Variants in UCKL1 observed in about 807,000 individuals in gnomAD.
UCKL1 encodes the protein uridine-cytidine kinase-like 1.
In UCKL1, 65 loss-of-function variants were observed where a neutral mutation model predicts 59.2. That is an observed-to-expected ratio of 1.10 (90% CI 0.90 to 1.35). UCKL1 has a LOEUF of 1.35. Ranked by LOEUF, UCKL1 falls within the 40% of genes most tolerant of loss-of-function variation. UCKL1 has a pLI of 0.00. For synonymous variants in UCKL1, 410 were observed against 323.1 expected, an observed-to-expected ratio of 1.27 and a Z score of -2.88; for missense variants, 703 against 784.3, an observed-to-expected ratio of 0.90 and a Z score of 1.24.
At position 63,946,158 on chromosome 20, in the gene UCKL1, C is replaced by G. The variant is rs751236743; in HGVS notation, c.411+3G>C. ...TCCTCGGGGGAGCTGGGCGGGGGCC[C>G]ACCTTGTAGAAGGAGTCCATGGACA... On this transcript the variant is annotated splice_donor_region_variant and intron_variant, in intron 3 of 14. Transcript: ENST00000354216. 6.8e-6 allele frequency: 11 copies of G among 1,611,980 alleles called. No individual in the cohort carries two copies. Among genetic ancestry groups the G allele is most frequent in the Non-Finnish European group, 7.6e-6 (9 of 1,179,546 alleles).
intron 3 of UCKL1, 48 bp from the exon 4 acceptor site, chr20:63,946,023 C>T: frequency 6.2e-7 from 1 of 1,611,844 alleles, no homozygotes; most frequent in Non-Finnish European, 8.5e-7. Context: ...AGGGCCCTCA[C>T]CCAATGCCAG....
chr20:63,941,713 C>T (rs771504303), intron 8 of UCKL1: 5 of 209,006 alleles, frequency 2.4e-5, no homozygotes, highest in Non-Finnish European at 5.3e-5. Context: ...CTTGGCTGTC[C>T]CGTCCCGCCC....
At chr20:63,950,746 A>G (rs763106536) in intron 1 of UCKL1, 11 of 1,524,118 alleles carry the variant, frequency 7.2e-6, no homozygotes, top group South Asian at 2.5e-5. Flanking sequence ...AGAGACCTCC[A>G]GTCGAGACTC....
Position 63,946,299 on chromosome 20 carries a change from A to G in UCKL1, c.305-32T>C, listed in dbSNP as rs749832412. On this transcript the variant is annotated intron_variant, in intron 2 of 14. Transcript: ENST00000354216. Reference sequence around the variant, plus strand: ...GCGGGAGTGGAGACCCTCTGTGAGGAACAGGCAGGCTGCCGGCACAGATAG... The same window carrying G: ...GCGGGAGTGGAGACCCTCTGTGAGGGACAGGCAGGCTGCCGGCACAGATAG... The G allele has an allele frequency of 4.2e-5, 66 of 1,561,600 alleles. No homozygotes were observed. In the Admixed American group the frequency reaches 4.6e-4, roughly 11 times the overall value.
chr20:63,941,797 AAGAAAG>A (rs1378889708), intron 8 of UCKL1, among the ~76,000 whole-genome samples: 5 of 151,968 alleles, frequency 3.3e-5, no homozygotes, highest in Non-Finnish European at 7.4e-5. Flanking sequence ...GGGTGGAGGC[AAGAAAG>A]AGGTGGGACA....
intron 5 of UCKL1, 77 bp from the exon 6 acceptor site, chr20:63,944,811 G>A (rs1336995667): frequency 1.0e-5 from 16 of 1,545,882 alleles, no homozygotes; most frequent in Non-Finnish European, 1.4e-5. Context: ...CCCCTGCACT[G>A]AGGCCGCCTG....
chr20:63,956,083 C>T lies in UCKL1; in HGVS notation c.113+177G>A, dbSNP rs1374011042. On this transcript the variant is annotated intron_variant, in intron 1 of 14. Transcript: ENST00000354216. ...GCCGGCTTGGGCCAGGTCCGTCCTC[C>T]CGGCCGCTTCAAGCCCGCGGGGTTC... The T allele has an allele frequency of 1.3e-5, 7 of 552,910 alleles. No individual in the cohort carries two copies. In the East Asian group the frequency reaches 1.8e-4, roughly 14 times the overall value. The allele number at this position is 552,910 out of a possible 1,614,324, so 34.3% of individuals were successfully genotyped here.
chr20:63,943,801 C>T lies in UCKL1; in HGVS notation c.907-132G>A, dbSNP rs1380621377. 7 of 1,338,400 alleles carry T rather than the reference C, an allele frequency of 5.2e-6. No homozygotes were observed. The Admixed American group carries it at 1.3e-4, about 25-fold the overall frequency. The allele number at this position is 1,338,400 out of a possible 1,614,324, so 82.9% of individuals were successfully genotyped here. A position where few individuals can be genotyped will look rare whatever the true frequency, so the allele number is the denominator to read the frequency against. On this transcript the variant is annotated intron_variant, in intron 7 of 14. Transcript: ENST00000354216. ...GGACACAGCCAGCCATGGGGGGTGG[C>T]AAGCTTCTAATGCCTGTAACCTGGG...
At position 63,946,611 on chromosome 20, in the gene UCKL1, G is replaced by A. The variant is rs2056296751; in HGVS notation, c.146C>T (p.Pro49Leu). Residue 49 changes from proline to leucine, a missense_variant, in exon 2 of 15, where the codon CCA becomes CTA. Physicochemically the swap from Pro to Leu is moderately conservative, Grantham distance 98 (BLOSUM62 -3). This residue lies in a region of UCKL1 where 398 missense variants were observed against 373.0 expected (regional missense o/e 1.07). Coordinates refer to ENST00000354216, the MANE Select transcript of UCKL1 (RefSeq NM_017859.4). The part of the protein sequence containing the change: ...SNAESLDRLL[P>L]PVGTGRSPRK... ...GGGAGAGCGCCCAGTGCCCACAGGTGGCAGGAGCCTGTCCAGGGACTCTGC... is the reference window on the plus strand; with the variant it reads ...GGGAGAGCGCCCAGTGCCCACAGGTAGCAGGAGCCTGTCCAGGGACTCTGC... 1 of 1,610,292 alleles carries A rather than the reference G, an allele frequency of 6.2e-7. No individual in the cohort carries two copies. Among genetic ancestry groups the A allele is most frequent in the Admixed American group, 1.7e-5 (1 of 59,968 alleles).
chr20:63,946,528 G>A lies in UCKL1; in HGVS notation c.229C>T (p.Arg77Cys), dbSNP rs1273191927. 15 of 1,606,384 alleles carry A rather than the reference G, an allele frequency of 9.3e-6. No individual in the cohort carries two copies. Among genetic ancestry groups the A allele is most frequent in the Non-Finnish European group, 1.2e-5 (14 of 1,177,006 alleles). ...SEPPLLRTSK[R>C]TIYTAGRPPW... ...GGCCGCCCGGCGGTGTAGATGGTAC[G>A]CTTGCTTGTACGCAGCAGGGGAGGC... Residue 77 changes from arginine to cysteine, a missense_variant, in exon 2 of 15, where the codon CGT becomes TGT. Coordinates refer to ENST00000354216, the MANE Select transcript of UCKL1 (RefSeq NM_017859.4).
intron 1 of UCKL1, chr20:63,950,617 G>A: frequency 1.0e-6 from 1 of 1,001,946 alleles, no homozygotes; most frequent in African/African-American, 1.7e-5. Context: ...TTCGACCCTG[G>A]GCTCTGCCCG....
intron 1 of UCKL1, chr20:63,948,459 CA>C (rs752201703): frequency 2.0e-5 from 3 of 150,820 alleles, no homozygotes; most frequent in Non-Finnish European, 3.0e-5. Context: ...AGAGCATGGT[CA>C]GGGGAGAAAA....
In UCKL1 at chr20:63,939,896, A is replaced by AAATT; in HGVS notation, c.*76_*79dup. On this transcript the variant is annotated 3_prime_UTR_variant, in exon 15 of 15. Coordinates refer to ENST00000354216, the MANE Select transcript of UCKL1 (RefSeq NM_017859.4). ...ATAAATTATACTAGTAACATTTTAA[A>AAATT]AATTAACATCTTTGTATTCAGCAGT... 1 of 1,211,082 alleles carries AAATT rather than the reference A, an allele frequency of 8.3e-7. No individual in the cohort carries two copies. Among genetic ancestry groups the AAATT allele is most frequent in the East Asian group, 2.4e-5 (1 of 42,152 alleles). The allele number at this position is 1,211,082 out of a possible 1,614,324, so 75.0% of individuals were successfully genotyped here.
At position 63,946,215 on chromosome 20, in the gene UCKL1, G is replaced by C; in HGVS notation, c.357C>G (p.Ile119Met). 6.2e-7 allele frequency: 1 copy of C among 1,610,646 alleles called. No individual in the cohort carries two copies. Residue 119 changes from isoleucine to methionine, a missense_variant, in exon 3 of 15, where the codon ATC (isoleucine) becomes ATG (methionine). Physicochemically the swap from Ile to Met is conservative, Grantham distance 10 (BLOSUM62 1). Around this residue, in one of 4 missense-constraint regions of UCKL1, gnomAD observed 398 missense variants for 373.0 expected, o/e 1.07. Coordinates refer to ENST00000354216, the MANE Select transcript of UCKL1 (RefSeq NM_017859.4). ...SGKTTVARMI[I>M]EALDVPWVVL... ...CCACCCAGGGCACATCCAGGGCCTC[G>C]ATGATCATTCTGGCCACAGTGGTCT...
chr20:63,956,260 C>A lies in UCKL1; in HGVS notation c.113G>T (p.Arg38Leu). 1 of 1,537,082 alleles carries A rather than the reference C, an allele frequency of 6.5e-7. No homozygotes were observed. The highest frequency in any genetic ancestry group is 2.7e-5 in the East Asian group (1 of 37,184). Residue 38 changes from arginine to leucine, a missense_variant and splice_region_variant, in exon 1 of 15, where the codon CGC becomes CTC. Coordinates refer to ENST00000354216, the MANE Select transcript of UCKL1 (RefSeq NM_017859.4). ...GAGTGGAGGCGAGGCCCACGCCTAC[C>A]GGTCCTCGCACGCGGTCTCGCTTTT... ...AEKSETACED[R>L]SNAESLDRLL...
At chr20:63,941,294 G>A in intron 8 of UCKL1, 86 bp from the exon 9 acceptor site, 3 of 1,456,412 alleles carry the variant, frequency 2.1e-6, no homozygotes, top group Non-Finnish European at 1.8e-6. Context: ...GCGTCACTGT[G>A]AGGGGAACAC....
At chr20:63,948,493 T>G (rs2056844990) in intron 1 of UCKL1, 2 of 144,592 alleles carry the variant, frequency 1.4e-5, no homozygotes, top group African/African-American at 5.2e-5. Flanking sequence ...GAGAGATGAT[T>G]CCATCTGTAT....
chr20:63,946,442 G>T lies in UCKL1; in HGVS notation c.304+11C>A. The T allele has an allele frequency of 6.5e-7, 1 of 1,542,828 alleles. No individual in the cohort carries two copies. The highest frequency in any genetic ancestry group is 8.7e-7 in the Non-Finnish European group (1 of 1,142,980). ...GTCCGGCAGCAGGTCCCACCCCCCC[G>T]CTGCTCTCACCGATGGCGAAGGCCT... On this transcript the variant is annotated intron_variant, in intron 2 of 14. Transcript: ENST00000354216.
chr20:63,951,369 T>C (rs1203083086), intron 1 of UCKL1, among the ~76,000 whole-genome samples: 1 of 152,110 alleles, frequency 6.6e-6, no homozygotes, highest in African/African-American at 2.4e-5. Flanking sequence ...GCACCCCTCC[T>C]GGATCCCCTG....
Sources: allele counts gnomAD v4.1 joint callset (sites outside exome capture counted in the v4.1 genomes callset), GRCh38; gene constraint gnomAD v4.1.1; regional missense constraint gnomAD v4.1.1; transcripts MANE v1.5; gene names NCBI Gene and HGNC (gene_info 2026-07-23, HGNC 2026-07-21).